Variants in GAL observed in about 807,000 individuals in gnomAD.
GAL encodes galanin and GMAP prepropeptide.
GAL carries 14 observed loss-of-function variants against 15.8 expected under a neutral mutation model. The observed-to-expected ratio is 0.89, with a 90% CI of 0.59 to 1.39. The LOEUF is 1.39. Among genes scored for constraint, GAL ranks in the 40% most tolerant of loss-of-function variants. GAL has a pLI of 0.00. For missense variants in GAL, 176 were observed against 170.4 expected, an observed-to-expected ratio of 1.03 and a Z score of -0.18; for synonymous variants, 79 against 73.8, an observed-to-expected ratio of 1.07 and a Z score of -0.36.
intron 3 of GAL, 92 bp downstream of exon 3, chr11:68,685,740 A>AG: frequency 1.2e-6 from 1 of 846,532 alleles, no homozygotes; most frequent in Non-Finnish European, 2.0e-6. Context: ...GCGGCTGGGC[A>AG]GACCCTCTGG....
At chr11:68,688,583 C>G (rs3136539) in intron 4 of GAL, among the ~76,000 whole-genome samples, 1 of 152,140 alleles carries the variant, frequency 6.6e-6, no homozygotes, top group South Asian at 2.1e-4. Context: ...GAGCCAAGAT[C>G]ATGACACTGC....
At chr11:68,685,109 G>GGTGGAAA in intron 2 of GAL, 105 bp downstream of exon 2, 1 of 755,570 alleles carries the variant, frequency 1.3e-6, no homozygotes, top group South Asian at 1.6e-5. Context: ...CGGGGATGGG[G>GGTGGAAA]GTGGAAAGTG....
At chr11:68,685,751 CCT>C in intron 3 of GAL, 103 bp downstream of exon 3, 1 of 777,664 alleles carries the variant, frequency 1.3e-6, no homozygotes, top group Admixed American at 2.0e-5. Flanking sequence ...GACCCTCTGG[CCT>C]CCCTCTTGAC....
At chr11:68,685,573 A>T (rs1011575430) in intron 2 of GAL, 21 bp from the exon 3 acceptor site, 2 of 1,594,978 alleles carry the variant, frequency 1.3e-6, no homozygotes, top group Admixed American at 3.3e-5. Flanking sequence ...CTGGCATCTG[A>T]TCCCCTTTTC....
intron 4 of GAL, 62 bp downstream of exon 4, chr11:68,688,162 C>A: frequency 1.0e-6 from 1 of 1,004,418 alleles, no homozygotes; most frequent in Non-Finnish European, 1.6e-6. Context: ...CAGGTGCATG[C>A]AGGGGACAGC....
At chr11:68,690,104 G>GC (rs1945891511) in intron 5 of GAL, among the ~76,000 whole-genome samples, 1 of 151,884 alleles carries the variant, frequency 6.6e-6, no homozygotes, top group Admixed American at 6.6e-5. Flanking sequence ...AGACCGCTTT[G>GC]CCTCTCCAGC....
chr11:68,689,988 A>AGGT (rs1379350548), intron 5 of GAL, among the ~76,000 whole-genome samples: 5 of 152,152 alleles, frequency 3.3e-5, no homozygotes, highest in Admixed American at 2.6e-4. Flanking sequence ...GTTAACAGGG[A>AGGT]GGTGGTGGTG....
intron 3 of GAL, 149 bp downstream of exon 3, chr11:68,685,797 A>G (rs1360468688): frequency 1.3e-5 from 9 of 686,678 alleles, no homozygotes; most frequent in African/African-American, 8.8e-5. Context: ...TGCACACTTG[A>G]TCTGTGTACG....
chr11:68,685,952 G>A (rs542917636), intron 3 of GAL, among the ~76,000 whole-genome samples: 2 of 152,152 alleles, frequency 1.3e-5, no homozygotes, highest in East Asian at 1.9e-4. Flanking sequence ...CCAGGCCCCC[G>A]GGTCTCCCAA....
At chr11:68,687,363 C>G (rs1405267894) in intron 3 of GAL, among the ~76,000 whole-genome samples, 1 of 152,096 alleles carries the variant, frequency 6.6e-6, no homozygotes, top group Non-Finnish European at 1.5e-5. Context: ...CCCTGGAATT[C>G]TGGGATCTCT....
At chr11:68,685,054 C>G (rs958349705) in intron 2 of GAL, 50 bp downstream of exon 2, 1 of 1,299,742 alleles carries the variant, frequency 7.7e-7, no homozygotes, top group African/African-American at 1.5e-5. Flanking sequence ...CAGAGCCGGC[C>G]GGGCGTGGAG....
chr11:68,685,365 G>T (rs375084041), intron 2 of GAL, among the ~76,000 whole-genome samples: 1 of 152,276 alleles, frequency 6.6e-6, no homozygotes. Context: ...GGTGCAGTGC[G>T]CTGAGAGTGC....
intron 3 of GAL, among the ~76,000 whole-genome samples, chr11:68,687,185 T>C (rs969928921): frequency 6.6e-6 from 1 of 152,144 alleles, no homozygotes; most frequent in Non-Finnish European, 1.5e-5. Context: ...AATTCTCCTT[T>C]GTCTGGCCTT....
At position 68,685,562 on chromosome 11, in the gene GAL, C is replaced by T. The variant is rs1253429399; in HGVS notation, c.82-32C>T. 3.9e-6 allele frequency: 6 copies of T among 1,551,366 alleles called. No individual in the cohort carries two copies. In the East Asian group the frequency reaches 1.1e-4, roughly 29 times the overall value. On this transcript the variant is annotated intron_variant, in intron 2 of 5. Transcript: ENST00000265643. Reference sequence around the variant, plus strand: ...ATTCAGCATAGGCTCCAGGCACAGCCCTGGCATCTGATCCCCTTTTCTCCC... The same window carrying T: ...ATTCAGCATAGGCTCCAGGCACAGCTCTGGCATCTGATCCCCTTTTCTCCC...
In GAL at chr11:68,688,068, G is replaced by A. The variant is rs372372622; in HGVS notation, c.191G>A (p.Arg64Gln). The A allele has an allele frequency of 2.4e-5, 38 of 1,612,696 alleles. No homozygotes were observed. Among genetic ancestry groups the A allele is most frequent in the South Asian group, 7.7e-5 (7 of 91,048 alleles). The change falls in exon 4 of 6, where the codon CGG becomes CAG. Residue 64 changes from arginine to glutamine, a missense_variant. By Grantham distance (43) the Arg-to-Gln change is conservative. Transcript: ENST00000265643. ...GACAAGAATGGCCTCACCAGCAAGC[G>A]GGAGCTGCGGCCCGAAGATGACATG... ...FSDKNGLTSK[R>Q]ELRPEDDMKP...
At chr11:68,689,271 C>T (rs1386924269) in intron 5 of GAL, among the ~76,000 whole-genome samples, 2 of 152,190 alleles carry the variant, frequency 1.3e-5, no homozygotes, top group African/African-American at 2.4e-5. Flanking sequence ...ATACTACAGG[C>T]CAAGTTCTTT....
Position 68,684,994 on chromosome 11 carries a change from T to A in GAL, c.71T>A (p.Leu24His), listed in dbSNP as rs939120221. 1 of 1,599,050 alleles carries A rather than the reference T, an allele frequency of 6.3e-7. No homozygotes were observed. The highest frequency in any genetic ancestry group is 1.3e-5 in the African/African-American group (1 of 74,686). Residue 24 changes from leucine to histidine, a missense_variant, in exon 2 of 6, where the codon CTC becomes CAC. By Grantham distance (99) the Leu-to-His change is moderately conservative. Transcript: ENST00000265643. ...LAAALSASAG[L>H]WSPAKEKRGW... ...GCGGCCCTTTCTGCCTCTGCGGGGC[T>A]CTGGTCGCCGGTAAGTGCGGGGCGC... is the stretch of plus-strand genomic sequence containing the variant.
At chr11:68,685,962 A>G (rs939664923) in intron 3 of GAL, among the ~76,000 whole-genome samples, 1 of 152,016 alleles carries the variant, frequency 6.6e-6, no homozygotes, top group African/African-American at 2.4e-5. Context: ...GGGTCTCCCA[A>G]AACACTCAAC....
intron 1 of GAL, 42 bp downstream of exon 1, chr11:68,684,774 T>C: frequency 1.9e-6 from 1 of 524,184 alleles, no homozygotes. Flanking sequence ...CCGGGAGGCC[T>C]CCCCTTCGGC....
Sources: gnomAD v4.1 joint callset for allele counts (sites outside exome capture counted in the v4.1 genomes callset) on GRCh38, gnomAD v4.1.1 for gene constraint, MANE v1.5 for transcripts, NCBI Gene and HGNC (gene_info 2026-07-23, HGNC 2026-07-21) for gene names.